Variants in ADCY8 observed in about 807,000 individuals in gnomAD.
ADCY8 encodes the protein adenylate cyclase 8, also known as adenylate cyclase type 8.
Under a neutral mutation model 119.7 loss-of-function variants are expected in ADCY8, and 51 were observed. The observed-to-expected ratio is 0.43, with a 90% CI of 0.34 to 0.54. The LOEUF (loss-of-function observed/expected upper bound fraction) is 0.54. Ranked by LOEUF, ADCY8 falls within the 20% of genes least tolerant of loss-of-function variation. ADCY8 has a pLI of 0.03. For missense variants in ADCY8, 1,383 were observed against 1,598.8 expected (o/e 0.87, Z 2.30); for synonymous variants, 665 against 651.0 (o/e 1.02, Z -0.33).
chr8:130,855,534 CT>C (rs1817701424), intron 9 of ADCY8, among the ~76,000 whole-genome samples: 1 of 152,096 alleles, frequency 6.6e-6, no homozygotes. Context: ...TCTCTTCCCC[CT>C]GAACCCCAGG....
chr8:130,975,669 C>T (rs953576624), intron 2 of ADCY8, among the ~76,000 whole-genome samples: 3 of 152,264 alleles, frequency 2.0e-5, no homozygotes, highest in East Asian at 1.9e-4. Flanking sequence ...AGCTGAAGCA[C>T]GTAAAGTTAC....
At chr8:130,857,134 T>A (rs1339707581) in intron 9 of ADCY8, among the ~76,000 whole-genome samples, 3 of 151,242 alleles carry the variant, frequency 2.0e-5, no homozygotes, top group African/African-American at 7.3e-5. Context: ...GAGATATACC[T>A]AATGCTAAAT....
Position 130,990,413 on chromosome 8 carries a change from C to T in ADCY8, c.1090G>A (p.Glu364Lys). The T allele has an allele frequency of 6.2e-7, 1 of 1,614,142 alleles. No homozygotes were observed. Among genetic ancestry groups the T allele is most frequent in the Non-Finnish European group, 8.5e-7 (1 of 1,180,010 alleles). Residue 364 changes from glutamate to lysine, a missense_variant, in exon 2 of 18, where the codon GAG becomes AAG. Around this residue, in one of 2 missense-constraint regions of ADCY8, gnomAD observed 928 missense variants for 1,163.5 expected, o/e 0.80. Transcript: ENST00000286355. ...GGTACCTGTCTTTGGTTCTCTGTCT[C>T]CAGGCGCAGCCTGGCCTCCACACAC... Reference protein sequence around the residue: ...RRCVEARLRLETENQRQERLV... With the variant: ...RRCVEARLRLKTENQRQERLV...
chr8:130,830,299 C>T lies in ADCY8; in HGVS notation c.2675+5978G>A, dbSNP rs112440175. Among the ~76,000 whole-genome samples, 301 of 152,176 alleles carry T rather than the reference C, an allele frequency of 2.0e-3. 1 individual carries two copies. Among genetic ancestry groups the T allele is most frequent in the African/African-American group, 7.1e-3 (294 of 41,514 alleles). ...CATCTTCCCTTCTCTTTGTCAGCCA[C>T]GTGTACAGTAAGGAGCAGATAAGAT... On this transcript the variant is annotated intron_variant, in intron 12 of 17. Coordinates refer to ENST00000286355, the MANE Select transcript of ADCY8 (RefSeq NM_001115.3).
At chr8:130,993,741 C>T (rs1031023521) in intron 1 of ADCY8, among the ~76,000 whole-genome samples, 6 of 152,142 alleles carry the variant, frequency 3.9e-5, no homozygotes, top group Admixed American at 6.5e-5. Context: ...TCCCCAGCCA[C>T]GTGGAACTCT....
At chr8:130,865,917 G>A (rs1466309584) in intron 9 of ADCY8, among the ~76,000 whole-genome samples, 2 of 152,054 alleles carry the variant, frequency 1.3e-5, no homozygotes, top group East Asian at 3.8e-4. Context: ...ATTGGATTGG[G>A]CAAACTCCTT....
chr8:130,803,804 C>T (rs1815857764), intron 14 of ADCY8, among the ~76,000 whole-genome samples: 1 of 152,148 alleles, frequency 6.6e-6, no homozygotes, highest in Admixed American at 6.5e-5. Context: ...ACATGCATGC[C>T]CTAGGTCAGA....
intron 15 of ADCY8, among the ~76,000 whole-genome samples, chr8:130,795,912 C>T (rs1267797282): frequency 6.6e-6 from 1 of 152,150 alleles, no homozygotes. Flanking sequence ...GCCAGTCATG[C>T]CCAGGGTACA....
intron 3 of ADCY8, among the ~76,000 whole-genome samples, chr8:130,944,705 C>T (rs192860359): frequency 1.5e-4 from 23 of 152,236 alleles, no homozygotes; most frequent in East Asian, 3.9e-4. Context: ...TTTTACCTTC[C>T]GCAAAGTCCA....
At chr8:130,866,946 A>G (rs1017587915) in intron 9 of ADCY8, among the ~76,000 whole-genome samples, 4 of 152,148 alleles carry the variant, frequency 2.6e-5, no homozygotes, top group African/African-American at 9.7e-5. Flanking sequence ...TATGTCTTAG[A>G]GGTTACAGAA....
At chr8:130,898,420 G>A in intron 7 of ADCY8, among the ~76,000 whole-genome samples, 1 of 129,842 alleles carries the variant, frequency 7.7e-6, no homozygotes, top group Non-Finnish European at 1.7e-5. Flanking sequence ...CATGGAGATA[G>A]AAATTCCATC....
At chr8:130,865,608 A>G (rs940644020) in intron 9 of ADCY8, among the ~76,000 whole-genome samples, 1 of 152,120 alleles carries the variant, frequency 6.6e-6, no homozygotes, top group African/African-American at 2.4e-5. Context: ...ATTTTTGTGT[A>G]AAACACTTCC....
At chr8:130,933,662 C>T (rs1051266872) in intron 5 of ADCY8, among the ~76,000 whole-genome samples, 1 of 152,188 alleles carries the variant, frequency 6.6e-6, no homozygotes, top group South Asian at 2.1e-4. Flanking sequence ...TGAATCATTT[C>T]TCACTGTTCA....
intron 1 of ADCY8, among the ~76,000 whole-genome samples, chr8:130,991,759 C>T (rs570867300): frequency 3.9e-5 from 6 of 152,346 alleles, no homozygotes; most frequent in Admixed American, 3.9e-4. Flanking sequence ...CTATTCTAAT[C>T]TGACCCAGAT....
intron 1 of ADCY8, among the ~76,000 whole-genome samples, chr8:130,998,026 T>C (rs1449118186): frequency 1.3e-5 from 2 of 152,208 alleles, no homozygotes; most frequent in Non-Finnish European, 2.9e-5. Flanking sequence ...AATTAATCCA[T>C]TTGAAATTAT....
chr8:131,001,991 C>T (rs575658010), intron 1 of ADCY8, among the ~76,000 whole-genome samples: 1 of 152,324 alleles, frequency 6.6e-6, no homozygotes, highest in East Asian at 1.9e-4. Context: ...AGTCCTTATC[C>T]TCACTACGGG....
At chr8:130,885,919 G>T (rs1231514478) in intron 7 of ADCY8, among the ~76,000 whole-genome samples, 1 of 152,038 alleles carries the variant, frequency 6.6e-6, no homozygotes, top group Non-Finnish European at 1.5e-5. Context: ...GCCTGTGAGA[G>T]GTGACATAGG....
At chr8:131,030,716 A>T (rs924434840) in intron 1 of ADCY8, among the ~76,000 whole-genome samples, 2 of 152,196 alleles carry the variant, frequency 1.3e-5, no homozygotes. Context: ...GCAGGCAGTC[A>T]ACAAATATTT....
intron 6 of ADCY8, among the ~76,000 whole-genome samples, chr8:130,908,917 C>T (rs1318569288): frequency 6.6e-6 from 1 of 152,056 alleles, no homozygotes; most frequent in Non-Finnish European, 1.5e-5. Flanking sequence ...GGAGTGATGG[C>T]ACATACCAGA....
Sources: allele counts gnomAD v4.1 joint callset (sites outside exome capture counted in the v4.1 genomes callset), GRCh38; gene constraint gnomAD v4.1.1; regional missense constraint gnomAD v4.1.1; transcripts MANE v1.5; gene names NCBI Gene and HGNC (gene_info 2026-07-23, HGNC 2026-07-21).